The following DCAF15 variants were observed in gnomAD, a reference collection of about 807,000 sequenced individuals.
DCAF15 encodes DDB1 and CUL4 associated factor 15, also known as DDB1- and CUL4-associated factor 15.
Under a neutral mutation model 68.0 loss-of-function variants are expected in DCAF15, and 24 were observed. That is an observed-to-expected ratio of 0.35 (90% confidence interval 0.26 to 0.50). The LOEUF is 0.50. Among genes scored for constraint, DCAF15 ranks in the 20% least tolerant of loss-of-function variants. DCAF15 has a pLI of 0.98. For synonymous variants in DCAF15, 376 were observed against 341.6 expected, an observed-to-expected ratio of 1.10 and a Z score of -1.11; for missense variants, 627 against 830.6, an observed-to-expected ratio of 0.75 and a Z score of 3.01.
Position 13,956,126 on chromosome 19 carries a change from C to A in DCAF15, c.477C>A (p.Thr159=), listed in dbSNP as rs781169162. The change falls in exon 5 of 13, where the codon ACC becomes ACA. Residue 159 remains threonine, a synonymous_variant. Transcript: ENST00000254337. ...CTGAGGGTATGCTGGCCCCCAGCAC[C>A]CGCTCGGCCAACGGGATGCTCATGA... ...ASKVIVFGFN[T]RSANGMLMNM... 2 of 1,609,392 alleles carry A rather than the reference C, an allele frequency of 1.2e-6. No individual in the cohort carries two copies. The highest frequency in any genetic ancestry group is 2.2e-5 in the East Asian group (1 of 44,718).
In DCAF15 at chr19:13,954,391, T is replaced by C. The variant is rs1282877993; in HGVS notation, c.184T>C (p.Cys62Arg). ...RLFRKLPPRV[C>R]VSLKNIVDED... The stretch of plus-strand genomic sequence containing the variant: ...CTTCCGGAAGCTGCCTCCCCGGGTG[T>C]GCGTGTCCCTCAAGAACATTGTGGA... Residue 62 changes from cysteine (C) to arginine (R), a missense_variant, in exon 2 of 13, where the codon TGC (cysteine) becomes CGC (arginine). Physicochemically the swap from Cys to Arg is radical, Grantham distance 180. Coordinates refer to ENST00000254337, the MANE Select transcript of DCAF15 (RefSeq NM_138353.4). 1 of 1,612,776 alleles carries C rather than the reference T, an allele frequency of 6.2e-7. No individual in the cohort carries two copies. The highest frequency in any genetic ancestry group is 1.7e-5 in the Admixed American group (1 of 59,954).
At chr19:13,955,789 G>A (rs942957037) in intron 3 of DCAF15, 123 bp from the exon 4 acceptor site, 29 of 849,984 alleles carry the variant, frequency 3.4e-5, no homozygotes, top group Non-Finnish European at 3.7e-6. Flanking sequence ...GAGGGGTGTG[G>A]CGGGTGCTGT....
intron 3 of DCAF15, among the ~76,000 whole-genome samples, chr19:13,955,456 G>T (rs978271271): frequency 6.6e-6 from 1 of 152,152 alleles, no homozygotes; most frequent in Non-Finnish European, 1.5e-5. Flanking sequence ...GTTCAAAATG[G>T]GTAAATAGCA....
At position 13,960,592 on chromosome 19, in the gene DCAF15, T is replaced by C. The variant is rs974467170; in HGVS notation, c.1747+12T>C. 1.3e-6 allele frequency: 2 copies of C among 1,565,054 alleles called. No homozygotes were observed. The highest frequency in any genetic ancestry group is 2.7e-5 in the African/African-American group (2 of 74,108). ...GGCGCTGCACAAAGGTGGGGCTCGG[T>C]GACCCCGTGATGGTCAGGGTCACCA... is the stretch of plus-strand genomic sequence containing the variant. On this transcript the variant is annotated intron_variant, in intron 12 of 12. Transcript: ENST00000254337.
intron 3 of DCAF15, among the ~76,000 whole-genome samples, chr19:13,954,895 G>C (rs936953234): frequency 6.6e-6 from 1 of 151,812 alleles, no homozygotes; most frequent in Non-Finnish European, 1.5e-5. Context: ...CACTTGGTCC[G>C]AGTAGTTCAA....
At chr19:13,956,609 T>C in intron 6 of DCAF15, 87 bp downstream of exon 6, 1 of 1,462,080 alleles carries the variant, frequency 6.8e-7, no homozygotes, top group Non-Finnish European at 9.3e-7. Context: ...GCCCCAGGCG[T>C]AGAGAGGTGG....
At position 13,952,568 on chromosome 19, in the gene DCAF15, GC is replaced by G; in HGVS notation, c.60del (p.Gly22GlufsTer119). The G allele has an allele frequency of 7.9e-7, 1 of 1,265,524 alleles. No individual in the cohort carries two copies. 78.4% of individuals were successfully genotyped at this position (1,265,524 alleles called of 1,614,324 possible). A position where few individuals can be genotyped will look rare whatever the true frequency, so the allele number is the denominator to read the frequency against. On this transcript the variant is annotated frameshift_variant, in exon 1 of 13. Coordinates refer to ENST00000254337, the MANE Select transcript of DCAF15 (RefSeq NM_138353.4). LOFTEE classifies it high-confidence loss of function. ...RNSGAGSGGG[G>X]PGGAGGKRAA... ...AGCGGGGCTGGGAGCGGCGGCGGCG[GC>G]CCCGGGGGAGCCGGAGGGAAGCGGG...
chr19:13,954,392 G>T lies in DCAF15; in HGVS notation c.185G>T (p.Cys62Phe). 6.2e-7 allele frequency: 1 copy of T among 1,613,954 alleles called. No homozygotes were observed. The highest frequency in any genetic ancestry group is 8.5e-7 in the Non-Finnish European group (1 of 1,180,012). Residue 62 changes from cysteine (C) to phenylalanine (F), a missense_variant, in exon 2 of 13, where the codon TGC becomes TTC. This residue lies in a region of DCAF15 where 273 missense variants were observed against 393.7 expected (regional missense o/e 0.69). Transcript: ENST00000254337. The stretch of plus-strand genomic sequence containing the variant: ...TTCCGGAAGCTGCCTCCCCGGGTGT[G>T]CGTGTCCCTCAAGAACATTGTGGAT... Reference protein sequence around the residue: ...RLFRKLPPRVCVSLKNIVDED... With the variant: ...RLFRKLPPRVFVSLKNIVDED...
In DCAF15 at chr19:13,959,310, C is replaced by T. The variant is rs745387113; in HGVS notation, c.1050C>T (p.Pro350=). 2.5e-6 allele frequency: 4 copies of T among 1,607,958 alleles called. No homozygotes were observed. Among genetic ancestry groups the T allele is most frequent in the African/African-American group, 1.3e-5 (1 of 74,928 alleles). Residue 350 remains proline (P), a synonymous_variant, in exon 7 of 13, where the codon CCC becomes CCT. Transcript: ENST00000254337. The part of the protein sequence containing the change: ...EEARPALCPG[P]SGSRCRAHSE... ...CCCGGCCTGCCCTGTGCCCAGGACCCTCTGGCAGCCGCTGCCGTGCGCACT... is the reference window on the plus strand; with the variant it reads ...CCCGGCCTGCCCTGTGCCCAGGACCTTCTGGCAGCCGCTGCCGTGCGCACT...
chr19:13,956,255 C>T lies in DCAF15; in HGVS notation c.606C>T (p.Ala202=), dbSNP rs143162391. Residue 202 remains alanine, a synonymous_variant, in exon 5 of 13, where the codon GCC becomes GCT. Coordinates refer to ENST00000254337, the MANE Select transcript of DCAF15 (RefSeq NM_138353.4). ...CTGCTTGCCAGGATGCCAGCCGAGC[C>T]CACCCAGGTGAGGGGGCCGAGGGGG... ...RCAACQDASR[A]HPGDPNAQCL... 4 of 1,612,286 alleles carry T rather than the reference C, an allele frequency of 2.5e-6. No homozygotes were observed. The African/African-American group carries it at 5.3e-5, about 22-fold the overall frequency.
rs1407080867 is a variant in DCAF15, at chr19:13,959,975, C to T, written c.1441-9C>T. On this transcript the variant is annotated splice_polypyrimidine_tract_variant and intron_variant, in intron 9 of 12. Coordinates refer to ENST00000254337, the MANE Select transcript of DCAF15 (RefSeq NM_138353.4). ...CTCAACAGTTGGCATCATCCACCCC[C>T]ACCCCCAGGTCTGCCCAGAAACCAA... is the stretch of plus-strand genomic sequence containing the variant. The T allele has an allele frequency of 8.7e-6, 14 of 1,609,270 alleles. No homozygotes were observed. Among genetic ancestry groups the T allele is most frequent in the Non-Finnish European group, 1.1e-5 (13 of 1,179,416 alleles).
rs893870092 is a variant in DCAF15, at chr19:13,955,851, C to T, written c.367-61C>T. 2.5e-6 allele frequency: 4 copies of T among 1,569,652 alleles called. No homozygotes were observed. In the African/African-American group the frequency reaches 5.4e-5, roughly 21 times the overall value. On this transcript the variant is annotated intron_variant, in intron 3 of 12. Transcript: ENST00000254337. ...AGCCCTGATGAGGGACTGCATCGTA[C>T]AGCTTCGGGGGACCTCCGCAGTTTC...
chr19:13,957,683 G>A (rs1343405213), intron 6 of DCAF15, among the ~76,000 whole-genome samples: 5 of 152,236 alleles, frequency 3.3e-5, no homozygotes, highest in East Asian at 3.9e-4. Context: ...TGAGGCAGGC[G>A]GATCACATGA....
In DCAF15 at chr19:13,960,346, A is replaced by G. The variant is rs1473144488; in HGVS notation, c.1586A>G (p.Glu529Gly). The stretch of plus-strand genomic sequence containing the variant: ...TGGGACCTCAACACAGGGATCTTCG[A>G]GACAGTCAGTGTAGGCGACCTGACT... ...VAWDLNTGIF[E>G]TVSVGDLTEV... The change falls in exon 11 of 13, where the codon GAG becomes GGG. Residue 529 changes from glutamate (E) to glycine (G), a missense_variant. Coordinates refer to ENST00000254337, the MANE Select transcript of DCAF15 (RefSeq NM_138353.4). 1 of 1,613,940 alleles carries G rather than the reference A, an allele frequency of 6.2e-7. No homozygotes were observed. Among genetic ancestry groups the G allele is most frequent in the Non-Finnish European group, 8.5e-7 (1 of 1,180,030 alleles).
At position 13,960,546 on chromosome 19, in the gene DCAF15, C is replaced by T. The variant is rs145482523; in HGVS notation, c.1713C>T (p.Tyr571=). 3.8e-5 allele frequency: 61 copies of T among 1,599,766 alleles called. No individual in the cohort carries two copies. Among genetic ancestry groups the T allele is most frequent in the Non-Finnish European group, 5.0e-5 (59 of 1,174,692 alleles). The change falls in exon 12 of 13, where the codon TAC becomes TAT. Residue 571 remains tyrosine (Y), a synonymous_variant. Transcript: ENST00000254337. ...KWLVPESSGR[Y]VNRMTNEALH... Reference sequence around the variant, plus strand: ...TGGTGCCGGAGAGCAGCGGCCGCTACGTCAACAGGATGACCAATGAGGCGC... The same window carrying T: ...TGGTGCCGGAGAGCAGCGGCCGCTATGTCAACAGGATGACCAATGAGGCGC...
At position 13,959,151 on chromosome 19, in the gene DCAF15, C is replaced by T. The variant is rs1180919650; in HGVS notation, c.891C>T (p.Ser297=). 6.2e-7 allele frequency: 1 copy of T among 1,612,680 alleles called. No individual in the cohort carries two copies. The highest frequency in any genetic ancestry group is 8.5e-7 in the Non-Finnish European group (1 of 1,179,866). ...CAGAGCTGCCCCCTGCCCTCCCCAG[C>T]TTCTGCCCTGAGGCGGCCCCAGCCC... is the stretch of plus-strand genomic sequence containing the variant. ...QSPELPPALP[S]FCPEAAPARS... The change falls in exon 7 of 13, where the codon AGC becomes AGT. Residue 297 remains serine, a synonymous_variant. Coordinates refer to ENST00000254337, the MANE Select transcript of DCAF15 (RefSeq NM_138353.4).
rs762994508 is a variant in DCAF15, at chr19:13,954,609, A to G, written c.314A>G (p.Tyr105Cys). Residue 105 changes from tyrosine to cysteine, a missense_variant, in exon 3 of 13, where the codon TAC becomes TGC. Tyr to Cys is a radical substitution (Grantham distance 194). Around this residue, in one of 3 missense-constraint regions of DCAF15, gnomAD observed 273 missense variants for 393.7 expected, o/e 0.69. Transcript: ENST00000254337. Reference sequence around the variant, plus strand: ...AGTGGGGATGACGACTTCTCCTTCTACATCTACCATCTGTACTGGTGGGAG... The same window carrying G: ...AGTGGGGATGACGACTTCTCCTTCTGCATCTACCATCTGTACTGGTGGGAG... ...SSSGDDDFSFYIYHLYWWEFN... is the reference protein window; with the variant it reads ...SSSGDDDFSFCIYHLYWWEFN... 2 of 1,614,136 alleles carry G rather than the reference A, an allele frequency of 1.2e-6. No homozygotes were observed. Among genetic ancestry groups the G allele is most frequent in the East Asian group, 2.2e-5 (1 of 44,876 alleles).
rs1181300742 is a variant in DCAF15 at position 13,959,334 on chromosome 19, C to T, written c.1074C>T (p.His358=). ...CCTCTGGCAGCCGCTGCCGTGCGCA[C>T]TCTGAGCCCCTAGCCCTGTGTGGAG... ...PGPSGSRCRA[H]SEPLALCGET... The change falls in exon 7 of 13, where the codon CAC becomes CAT. Residue 358 remains histidine, a synonymous_variant. Coordinates refer to ENST00000254337, the MANE Select transcript of DCAF15 (RefSeq NM_138353.4). 2.5e-6 allele frequency: 4 copies of T among 1,606,232 alleles called. No individual in the cohort carries two copies. Among genetic ancestry groups the T allele is most frequent in the Admixed American group, 1.7e-5 (1 of 60,000 alleles).
Position 13,960,198 on chromosome 19 carries a change from C to T in DCAF15, c.1527-89C>T, listed in dbSNP as rs1006721564. ...CTGGCTGGGCCCCTCCATAGCTGTT[C>T]CAAAGACAAAAGGCCCTCAGGGTAG... On this transcript the variant is annotated intron_variant, in intron 10 of 12. Coordinates refer to ENST00000254337, the MANE Select transcript of DCAF15 (RefSeq NM_138353.4). The T allele has an allele frequency of 2.6e-6, 4 of 1,568,220 alleles. No individual in the cohort carries two copies. The South Asian group carries it at 4.5e-5, about 18-fold the overall frequency.
Sources: gnomAD v4.1 joint callset for allele counts (sites outside exome capture counted in the v4.1 genomes callset) on GRCh38, gnomAD v4.1.1 for gene constraint, gnomAD v4.1.1 regional missense constraint, MANE v1.5 for transcripts, NCBI Gene and HGNC (gene_info 2026-07-23, HGNC 2026-07-21) for gene names.